The following HSD17B7 variants were observed in gnomAD, a reference collection of about 807,000 sequenced individuals.
HSD17B7 encodes the protein hydroxysteroid 17-beta dehydrogenase 7.
Under a neutral mutation model 34.1 loss-of-function variants are expected in HSD17B7, and 17 were observed. The observed-to-expected ratio is 0.50, with a 90% CI of 0.34 to 0.75. The LOEUF is 0.75. Ranked by LOEUF, HSD17B7 falls within the 30% of genes least tolerant of loss-of-function variation. The pLI is 0.01. For missense variants in HSD17B7, 296 were observed against 406.6 expected (o/e 0.73, Z 2.34); for synonymous variants, 122 against 154.6 (o/e 0.79, Z 1.56).
chr1:162,793,033 T>TTTC (rs1553255526), intron 2 of HSD17B7, 171 bp downstream of exon 2: 8 of 479,360 alleles, frequency 1.7e-5, no homozygotes, highest in South Asian at 4.5e-5. Context: ...TTTTCTTTCT[T>TTTC]TTTTTTTTTT....
chr1:162,801,679 G>A (rs1648821719), intron 5 of HSD17B7, among the ~76,000 whole-genome samples: 1 of 152,178 alleles, frequency 6.6e-6, no homozygotes, highest in Non-Finnish European at 1.5e-5. Flanking sequence ...GTCAGTGCAT[G>A]TGGGCTGCAC....
At chr1:162,801,022 C>A (rs990990634) in intron 5 of HSD17B7, among the ~76,000 whole-genome samples, 1 of 152,092 alleles carries the variant, frequency 6.6e-6, no homozygotes, top group Admixed American at 6.5e-5. Context: ...TTCTGTTGCC[C>A]AGGCTGGAGT....
chr1:162,812,193 T>A (rs564633851), intron 8 of HSD17B7, 105 bp from the exon 9 acceptor site: 1 of 1,397,692 alleles, frequency 7.2e-7, no homozygotes, highest in African/African-American at 1.5e-5. Flanking sequence ...CCTTTCCTGC[T>A]GCCTCCTTTC....
chr1:162,793,662 G>A, intron 2 of HSD17B7, among the ~76,000 whole-genome samples: 1 of 152,210 alleles, frequency 6.6e-6, no homozygotes. Context: ...GTGATCAGTT[G>A]CACTGCCTTA....
intron 8 of HSD17B7, among the ~76,000 whole-genome samples, chr1:162,810,708 C>T (rs1649145392): frequency 6.6e-6 from 1 of 152,070 alleles, no homozygotes; most frequent in African/African-American, 2.4e-5. Flanking sequence ...ATGTAATGGC[C>T]TTCTTTGTCT....
rs750790799 is a variant in HSD17B7, at chr1:162,797,950, T to C, written c.447+34T>C. 9 of 1,609,844 alleles carry C rather than the reference T, an allele frequency of 5.6e-6. No individual in the cohort carries two copies. In the Admixed American group the frequency reaches 1.5e-4, roughly 27 times the overall value. On this transcript the variant is annotated intron_variant, in intron 4 of 8. Coordinates refer to ENST00000254521, the MANE Select transcript of HSD17B7 (RefSeq NM_016371.4). ...GCTGTGGGCTTAATAAGCTAATATTTCGTGTGATAGTTTCTGTAAAGCTCT... is the reference window on the plus strand; with the variant it reads ...GCTGTGGGCTTAATAAGCTAATATTCCGTGTGATAGTTTCTGTAAAGCTCT...
chr1:162,790,721 G>C lies in HSD17B7; in HGVS notation c.-80G>C, dbSNP rs1379699628. On this transcript the variant is annotated 5_prime_UTR_variant, in exon 1 of 9. Transcript: ENST00000254521. ...GTGGCCGTACTCTGATTGGTGACGGGTGAGGCGGCCCGAAATCGTAGGACT... is the reference window on the plus strand; with the variant it reads ...GTGGCCGTACTCTGATTGGTGACGGCTGAGGCGGCCCGAAATCGTAGGACT... 6 of 918,098 alleles carry C rather than the reference G, an allele frequency of 6.5e-6. No individual in the cohort carries two copies. Among genetic ancestry groups the C allele is most frequent in the Non-Finnish European group, 8.8e-6 (5 of 569,632 alleles). The allele number at this position is 918,098 out of a possible 1,614,324, so 56.9% of individuals were successfully genotyped here.
intron 8 of HSD17B7, 62 bp from the exon 9 acceptor site, chr1:162,812,236 A>G (rs1214453639): frequency 9.7e-6 from 15 of 1,548,070 alleles, no homozygotes; most frequent in South Asian, 3.7e-5. Flanking sequence ...CCTTTTTTTT[A>G]TACAAATACT....
chr1:162,798,637 AT>A (rs1648701663), intron 4 of HSD17B7: 1 of 156,076 alleles, frequency 6.4e-6, no homozygotes. Context: ...GCTTGAGGTC[AT>A]GTTTGTCAGG....
intron 2 of HSD17B7, among the ~76,000 whole-genome samples, chr1:162,793,566 A>G (rs1330652239): frequency 1.3e-5 from 2 of 152,208 alleles, no homozygotes; most frequent in African/African-American, 4.8e-5. Flanking sequence ...GGTGTGAACC[A>G]TTGCACTTGG....
intron 2 of HSD17B7, among the ~76,000 whole-genome samples, chr1:162,793,771 A>T (rs1648500417): frequency 2.6e-5 from 4 of 152,246 alleles, no homozygotes; most frequent in Admixed American, 2.6e-4. Flanking sequence ...GTGACATTTA[A>T]CAAGTGAAGA....
chr1:162,806,591 A>C (rs1258342448), intron 8 of HSD17B7, among the ~76,000 whole-genome samples: 6 of 152,252 alleles, frequency 3.9e-5, no homozygotes, highest in African/African-American at 1.4e-4. Context: ...GAAATATTTT[A>C]TCCTGCTGTT....
chr1:162,807,498 ATGGC>A (rs1323997623), intron 8 of HSD17B7, among the ~76,000 whole-genome samples: 1 of 152,192 alleles, frequency 6.6e-6, no homozygotes, highest in Non-Finnish European at 1.5e-5. Flanking sequence ...CAGGAATGGG[ATGGC>A]TGGGTCAAAT....
Position 162,792,875 on chromosome 1 carries a change from C to T in HSD17B7, c.239+13C>T, listed in dbSNP as rs1648462600. 1 of 1,613,018 alleles carries T rather than the reference C, an allele frequency of 6.2e-7. No individual in the cohort carries two copies. ...AACTTAAGCAAAGGTATATCTCTTG[C>T]TGATGGATTTTTTTTCTCATGTGAT... On this transcript the variant is annotated intron_variant, in intron 2 of 8. Coordinates refer to ENST00000254521, the MANE Select transcript of HSD17B7 (RefSeq NM_016371.4).
In HSD17B7 at chr1:162,798,021, A is replaced by G. The variant is rs1648678848; in HGVS notation, c.447+105A>G. ...GTTGAGCAGCCAGTTAACTGATTTAATCTCATGTTTGAGTTTTCTTGATTG... is the reference window on the plus strand; with the variant it reads ...GTTGAGCAGCCAGTTAACTGATTTAGTCTCATGTTTGAGTTTTCTTGATTG... On this transcript the variant is annotated intron_variant, in intron 4 of 8. Transcript: ENST00000254521. The G allele has an allele frequency of 9.2e-6, 13 of 1,415,030 alleles. No individual in the cohort carries two copies. In the South Asian group the frequency reaches 2.0e-4, roughly 22 times the overall value. 87.7% of individuals were successfully genotyped at this position (1,415,030 alleles called of 1,614,324 possible).
intron 8 of HSD17B7, among the ~76,000 whole-genome samples, chr1:162,809,416 T>G (rs954186945): frequency 5.3e-5 from 8 of 152,214 alleles, no homozygotes; most frequent in African/African-American, 1.9e-4. Flanking sequence ...TCAGGGATAT[T>G]GGTCTAAAAT....
intron 2 of HSD17B7, chr1:162,795,543 A>G (rs540227759): frequency 6.6e-5 from 26 of 396,784 alleles, no homozygotes; most frequent in African/African-American, 4.1e-4. Context: ...TGGCACTTAC[A>G]TGATGAACTG....
intron 2 of HSD17B7, among the ~76,000 whole-genome samples, chr1:162,793,223 C>CG (rs1373710587): frequency 1.3e-5 from 2 of 152,028 alleles, no homozygotes; most frequent in African/African-American, 4.8e-5. Flanking sequence ...TTAGTAGAGA[C>CG]GGGGTTTTAC....
intron 3 of HSD17B7, chr1:162,797,403 T>G (rs1447738961): frequency 2.4e-5 from 4 of 165,278 alleles, no homozygotes; most frequent in Admixed American, 2.4e-4. Context: ...AAACAATCTG[T>G]TTAACTCTTT....
Sources: gnomAD v4.1 joint callset for allele counts (sites outside exome capture counted in the v4.1 genomes callset) on GRCh38, gnomAD v4.1.1 for gene constraint, MANE v1.5 for transcripts, NCBI Gene and HGNC (gene_info 2026-07-23, HGNC 2026-07-21) for gene names.